Variants in CSMD1 observed in about 807,000 individuals in gnomAD.
CSMD1 encodes CUB and sushi domain-containing protein 1.
In CSMD1, 213 loss-of-function variants were observed where a neutral mutation model predicts 417.5. The observed-to-expected ratio is 0.51, with a 90% CI of 0.46 to 0.57. The LOEUF (loss-of-function observed/expected upper bound fraction) is 0.57, where lower values mean the gene tolerates loss of function less well. Ranked by LOEUF, CSMD1 falls within the 20% of genes least tolerant of loss-of-function variation. The pLI is 0.00. For missense variants in CSMD1, 6,923 were observed against 4,529.7 expected (o/e 1.53, Z -15.17); for synonymous variants, 2,862 against 1,736.8 (o/e 1.65, Z -16.11).
At chr8:4,743,373 G>A (rs904871654) in intron 1 of CSMD1, among the ~76,000 whole-genome samples, 3 of 152,068 alleles carry the variant, frequency 2.0e-5, no homozygotes, top group African/African-American at 7.2e-5. Context: ...ACGTTCACAG[G>A]ATGGAAATTA....
At chr8:4,930,551 A>G (rs148588687) in intron 1 of CSMD1, among the ~76,000 whole-genome samples, 1 of 152,304 alleles carries the variant, frequency 6.6e-6, no homozygotes, top group African/African-American at 2.4e-5. Flanking sequence ...GCAGCAGCAT[A>G]TATTCTTTCT....
intron 15 of CSMD1, among the ~76,000 whole-genome samples, chr8:3,405,649 A>C (rs1186962653): frequency 6.6e-6 from 1 of 152,160 alleles, no homozygotes; most frequent in Admixed American, 6.5e-5. Context: ...GTGTCCTTTT[A>C]ACAAGGAGAA....
chr8:4,595,387 C>CTTTTTTTTTTTTTTTTTTTTTTTT, intron 2 of CSMD1, among the ~76,000 whole-genome samples: 18 of 147,416 alleles, frequency 1.2e-4, no homozygotes, highest in East Asian at 4.0e-4. Context: ...CATTCATTTT[C>CTTTTTTTTTTTTTTTTTTTTTTTT]ATTCCATCCA....
chr8:4,593,955 C>T (rs1800125675), intron 2 of CSMD1, among the ~76,000 whole-genome samples: 1 of 152,042 alleles, frequency 6.6e-6, no homozygotes, highest in Admixed American at 6.6e-5. Flanking sequence ...GGATCACGTT[C>T]CCTCCAAACC....
intron 10 of CSMD1, among the ~76,000 whole-genome samples, chr8:3,530,553 G>C (rs1302933049): frequency 6.6e-6 from 1 of 152,138 alleles, no homozygotes; most frequent in African/African-American, 2.4e-5. Flanking sequence ...GTGGAGTCTT[G>C]CTCTGTTCCC....
At chr8:4,676,960 A>G (rs1251469734) in intron 1 of CSMD1, among the ~76,000 whole-genome samples, 1 of 146,804 alleles carries the variant, frequency 6.8e-6, no homozygotes, top group Non-Finnish European at 1.5e-5. Context: ...ATATATATCT[A>G]TCATATATAA....
At chr8:4,060,639 G>A (rs182274366) in intron 3 of CSMD1, among the ~76,000 whole-genome samples, 4 of 152,290 alleles carry the variant, frequency 2.6e-5, no homozygotes, top group African/African-American at 4.8e-5. Context: ...ACTGGAGGAG[G>A]ATCTGCAAAG....
chr8:4,606,514 A>G (rs1240497897), intron 2 of CSMD1, among the ~76,000 whole-genome samples: 1 of 152,190 alleles, frequency 6.6e-6, no homozygotes, highest in Non-Finnish European at 1.5e-5. Flanking sequence ...TGTGTGGCTG[A>G]AGACAACAGC....
chr8:4,435,489 T>C (rs1000723890), intron 2 of CSMD1, among the ~76,000 whole-genome samples: 1 of 152,206 alleles, frequency 6.6e-6, no homozygotes, highest in Non-Finnish European at 1.5e-5. Context: ...AGCCCTGTTA[T>C]GATATGATTT....
intron 10 of CSMD1, among the ~76,000 whole-genome samples, chr8:3,555,095 G>A (rs575366887): frequency 6.6e-6 from 1 of 152,176 alleles, no homozygotes; most frequent in South Asian, 2.1e-4. Flanking sequence ...GCAGCCGTAG[G>A]ACCCGTGACA....
chr8:2,990,195 G>A (rs1261125369), intron 54 of CSMD1, among the ~76,000 whole-genome samples: 1 of 152,218 alleles, frequency 6.6e-6, no homozygotes, highest in Non-Finnish European at 1.5e-5. Flanking sequence ...CTTTCCTTAA[G>A]TCCTTGCAGC....
chr8:3,225,559 G>C (rs570636079), intron 27 of CSMD1, among the ~76,000 whole-genome samples: 1 of 152,100 alleles, frequency 6.6e-6, no homozygotes, highest in Non-Finnish European at 1.5e-5. Flanking sequence ...GTACCTGAAG[G>C]TCTAGAAGAT....
intron 18 of CSMD1, among the ~76,000 whole-genome samples, chr8:3,382,597 TATATA>T (rs1810707627): frequency 7.2e-6 from 1 of 139,684 alleles, no homozygotes; most frequent in East Asian, 2.1e-4. Flanking sequence ...TAAATATCTC[TATATA>T]ATATATAATA....
intron 2 of CSMD1, among the ~76,000 whole-genome samples, chr8:4,555,953 T>C (rs1440317470): frequency 6.6e-6 from 1 of 152,128 alleles, no homozygotes; most frequent in African/African-American, 2.4e-5. Context: ...CTTTAGGAAG[T>C]GAATTTCTTT....
chr8:3,219,111 G>A (rs911644830), intron 29 of CSMD1, 144 bp downstream of exon 29: 2 of 605,056 alleles, frequency 3.3e-6, no homozygotes, highest in Admixed American at 3.4e-5. Flanking sequence ...GGAGAGGGAG[G>A]AGACATGTAT....
At chr8:3,900,283 G>C (rs1807648417) in intron 5 of CSMD1, among the ~76,000 whole-genome samples, 2 of 150,138 alleles carry the variant, frequency 1.3e-5, no homozygotes, top group Admixed American at 1.3e-4. Context: ...GCGTGACAGT[G>C]CAGCTGCGTG....
intron 58 of CSMD1, 75 bp from the exon 59 acceptor site, chr8:2,966,029 A>AGATACTCTCTCTGAGTTGCTATTCAC (rs1803925849): frequency 7.6e-7 from 1 of 1,312,056 alleles, no homozygotes; most frequent in African/African-American, 1.5e-5. Context: ...TTTCTATTCA[A>AGATACTCTCTCTGAGTTGCTATTCAC]GATACTCTCT....
chr8:4,092,324 G>C (rs1159758174), intron 3 of CSMD1, among the ~76,000 whole-genome samples: 2 of 152,114 alleles, frequency 1.3e-5, no homozygotes, highest in African/African-American at 4.8e-5. Context: ...GTCCTTTCCT[G>C]TGTCTGATGC....
intron 26 of CSMD1, among the ~76,000 whole-genome samples, chr8:3,253,481 G>T (rs4609214): frequency 3.9e-5 from 6 of 152,090 alleles, no homozygotes; most frequent in Non-Finnish European, 5.9e-5. Flanking sequence ...GGTGTGGTGT[G>T]GTGCTGAAAA....
Sources: allele counts gnomAD v4.1 joint callset (sites outside exome capture counted in the v4.1 genomes callset), GRCh38; gene constraint gnomAD v4.1.1; transcripts MANE v1.5; gene names NCBI Gene and HGNC (gene_info 2026-07-23, HGNC 2026-07-21).